KCNIP4: variants seen among roughly 807,000 people sequenced by gnomAD.
KCNIP4 encodes potassium voltage-gated channel interacting protein 4.
KCNIP4 carries 12 observed loss-of-function variants against 34.0 expected under a neutral mutation model. The ratio of observed to expected loss-of-function variants is 0.35; its 90% CI spans 0.23 to 0.57. The LOEUF (loss-of-function observed/expected upper bound fraction) is 0.57, where lower values mean the gene tolerates loss of function less well. Ranked by LOEUF, KCNIP4 falls within the 20% of genes least tolerant of loss-of-function variation. The probability of loss-of-function intolerance (pLI) is 0.83; values close to 1 mark genes in which losing one functional copy is unlikely to be tolerated. For missense variants in KCNIP4, 238 were observed against 311.7 expected, an observed-to-expected ratio of 0.76 and a Z score of 1.78; for synonymous variants, 124 against 102.2, an observed-to-expected ratio of 1.21 and a Z score of -1.29.
intron 1 of KCNIP4, among the ~76,000 whole-genome samples, chr4:20,891,189 T>G (rs143770563): frequency 1.0e-3 from 156 of 152,352 alleles, no homozygotes; most frequent in African/African-American, 3.5e-3. Flanking sequence ...TCAGCTTCTA[T>G]TTTGTACTTT....
chr4:21,444,787 AG>A (rs1727827182), intron 1 of KCNIP4, among the ~76,000 whole-genome samples: 1 of 152,210 alleles, frequency 6.6e-6, no homozygotes, highest in South Asian at 2.1e-4. Context: ...GCAATCAGGT[AG>A]GAGAAGGAAA....
intron 1 of KCNIP4, among the ~76,000 whole-genome samples, chr4:21,774,642 T>C (rs906140031): frequency 5.9e-5 from 9 of 152,216 alleles, no homozygotes; most frequent in African/African-American, 2.2e-4. Context: ...TTCCTTTTCA[T>C]TCTTTTTTCC....
chr4:20,903,811 CT>C (rs1276327610), intron 1 of KCNIP4, among the ~76,000 whole-genome samples: 2 of 152,128 alleles, frequency 1.3e-5, no homozygotes, highest in Non-Finnish European at 2.9e-5. Flanking sequence ...GAGTTTTGCT[CT>C]TTTCATCGGC....
rs138875190 is a variant in KCNIP4 at position 21,205,323 on chromosome 4, A to G, written c.62-322614T>C. Among the ~76,000 whole-genome samples, 45 of 152,306 alleles carry G rather than the reference A, an allele frequency of 3.0e-4. No individual in the cohort carries two copies. The East Asian group carries it at 7.5e-3, about 26-fold the overall frequency. ...TTTTTCCTCTTTTACAAAAATTAAT[A>G]TAGAAAGTTCTGTCATGATCCCAAG... On this transcript the variant is annotated intron_variant, in intron 1 of 8. Coordinates refer to ENST00000382152, the MANE Select transcript of KCNIP4 (RefSeq NM_025221.6).
chr4:21,350,529 T>C (rs1717903975), intron 1 of KCNIP4, among the ~76,000 whole-genome samples: 1 of 152,214 alleles, frequency 6.6e-6, no homozygotes, highest in Admixed American at 6.5e-5. Context: ...ATGGTGAATG[T>C]AATTTAATGT....
chr4:21,402,682 G>A lies in KCNIP4; in HGVS notation c.62-519973C>T, dbSNP rs188762041. On this transcript the variant is annotated intron_variant, in intron 1 of 8. Transcript: ENST00000382152. ...AATCCCACCACCAAATGTCTCACCT[G>A]TACCTGCTTACACAGCTTGCTCTCT... 2.0e-5 allele frequency among the ~76,000 whole-genome samples: 3 copies of A among 152,202 alleles called. No homozygotes were observed. The East Asian group carries it at 5.8e-4, about 29-fold the overall frequency.
intron 3 of KCNIP4, among the ~76,000 whole-genome samples, chr4:20,811,535 G>A (rs1011176369): frequency 3.3e-5 from 5 of 152,088 alleles, no homozygotes; most frequent in Admixed American, 1.3e-4. Flanking sequence ...ACGCGTGCAC[G>A]CCAGAGGGGA....
At chr4:20,814,708 A>T (rs1328300652) in intron 3 of KCNIP4, among the ~76,000 whole-genome samples, 2 of 152,128 alleles carry the variant, frequency 1.3e-5, no homozygotes, top group East Asian at 3.9e-4. Context: ...CTAATACAAG[A>T]TTGGCCAATA....
At chr4:20,857,291 T>C (rs957955671) in intron 2 of KCNIP4, among the ~76,000 whole-genome samples, 1 of 152,164 alleles carries the variant, frequency 6.6e-6, no homozygotes, top group African/African-American at 2.4e-5. Flanking sequence ...GAGCACGGCA[T>C]GATCCCACGT....
chr4:21,909,578 T>TAA (rs1578134785), intron 1 of KCNIP4, among the ~76,000 whole-genome samples: 1 of 152,140 alleles, frequency 6.6e-6, no homozygotes, highest in East Asian at 1.9e-4. Context: ...AACTTCTTTA[T>TAA]GTATGCAAGC....
chr4:21,260,108 A>C (rs1054089806), intron 1 of KCNIP4, among the ~76,000 whole-genome samples: 1 of 152,160 alleles, frequency 6.6e-6, no homozygotes, highest in Admixed American at 6.6e-5. Flanking sequence ...TCAGGAATTT[A>C]GTTCTGAGAG....
intron 1 of KCNIP4, among the ~76,000 whole-genome samples, chr4:20,889,842 C>A (rs1725734025): frequency 6.7e-6 from 1 of 150,136 alleles, no homozygotes; most frequent in South Asian, 2.1e-4. Context: ...TGCTAGTATA[C>A]TAACATAACA....
intron 1 of KCNIP4, among the ~76,000 whole-genome samples, chr4:21,195,697 G>A (rs1009420056): frequency 2.6e-5 from 4 of 152,106 alleles, no homozygotes; most frequent in Admixed American, 6.6e-5. Flanking sequence ...ATTTTATTTC[G>A]CTTTTTTGCC....
chr4:21,634,369 T>C (rs1473502949), intron 1 of KCNIP4, among the ~76,000 whole-genome samples: 1 of 152,072 alleles, frequency 6.6e-6, no homozygotes, highest in Non-Finnish European at 1.5e-5. Context: ...CTTTCATGTA[T>C]CTTCTACTAT....
chr4:21,318,278 A>G (rs1713998426), intron 1 of KCNIP4, among the ~76,000 whole-genome samples: 2 of 152,218 alleles, frequency 1.3e-5, no homozygotes, highest in South Asian at 2.1e-4. Flanking sequence ...AATGGTTAGA[A>G]TAAGCCTTTT....
chr4:21,141,552 C>A (rs1021981459), intron 1 of KCNIP4, among the ~76,000 whole-genome samples: 16 of 152,094 alleles, frequency 1.1e-4, no homozygotes, highest in African/African-American at 3.6e-4. Flanking sequence ...GGTCTCTTCT[C>A]TGTAGACAAT....
intron 1 of KCNIP4, among the ~76,000 whole-genome samples, chr4:21,879,759 T>C (rs1195153112): frequency 6.6e-6 from 1 of 152,186 alleles, no homozygotes; most frequent in Non-Finnish European, 1.5e-5. Flanking sequence ...ATGGTTTCGC[T>C]GTGTCCTCAC....
chr4:21,244,922 A>G (rs1340863986), intron 1 of KCNIP4, among the ~76,000 whole-genome samples: 2 of 152,228 alleles, frequency 1.3e-5, no homozygotes, highest in Non-Finnish European at 2.9e-5. Context: ...AAAGTATTAA[A>G]TGCTACTGAA....
intron 1 of KCNIP4, among the ~76,000 whole-genome samples, chr4:21,744,111 C>T (rs1230777903): frequency 1.3e-5 from 2 of 152,080 alleles, no homozygotes; most frequent in Non-Finnish European, 2.9e-5. Context: ...TAAGGACTGG[C>T]TTTTCTAATA....
Sources: gnomAD v4.1 joint callset for allele counts (sites outside exome capture counted in the v4.1 genomes callset) on GRCh38, gnomAD v4.1.1 for gene constraint, MANE v1.5 for transcripts, NCBI Gene and HGNC (gene_info 2026-07-23, HGNC 2026-07-21) for gene names.